PTK2: variants seen among roughly 807,000 people sequenced by gnomAD.
PTK2 encodes focal adhesion kinase 1.
A neutral mutation model predicts 150.1 loss-of-function variants in PTK2; 45 were observed. The observed-to-expected ratio is 0.30, with a 90% CI of 0.24 to 0.38. PTK2 has a LOEUF of 0.38. PTK2 is among the 10% of genes least tolerant of loss of function. PTK2 has a pLI of 1.00. For synonymous variants in PTK2, 432 were observed against 449.2 expected, an observed-to-expected ratio of 0.96 and a Z score of 0.48; for missense variants, 919 against 1,307.3, an observed-to-expected ratio of 0.70 and a Z score of 4.58.
chr8:140,803,802 G>A (rs2100096721), intron 10 of PTK2, 152 bp from the exon 11 acceptor site: 3 of 691,672 alleles, frequency 4.3e-6, no homozygotes, highest in Admixed American at 5.3e-5. Context: ...TGCTGCCCCA[G>A]GGGAGCAGCC....
At chr8:140,847,680 T>A (rs1370767150) in intron 5 of PTK2, among the ~76,000 whole-genome samples, 1 of 152,224 alleles carries the variant, frequency 6.6e-6, no homozygotes, top group Non-Finnish European at 1.5e-5. Flanking sequence ...TTTGTCTTCT[T>A]TCTTGTTCTG....
At chr8:140,670,195 T>C (rs1284394040) in intron 29 of PTK2, 1 of 156,986 alleles carries the variant, frequency 6.4e-6, no homozygotes, top group African/African-American at 2.4e-5. Context: ...ATCCACTTCA[T>C]CATCTAGCCA....
At position 140,746,777 on chromosome 8, in the gene PTK2, G is replaced by C. The variant is rs199594538; in HGVS notation, c.1501C>G (p.Leu501Val). Residue 501 changes from leucine (L) to valine (V), a missense_variant, in exon 18 of 32, where the codon CTG (leucine) becomes GTG (valine). Physicochemically the swap from Leu to Val is conservative, Grantham distance 32. Transcript: ENST00000522684. ...CACAGTACCTCTCCAAGTGTGCACA[G>C]CTCCATGATTATCCAGACAGGATTC... is the stretch of plus-strand genomic sequence containing the variant. The C allele has an allele frequency of 1.3e-5, 21 of 1,611,738 alleles. No homozygotes were observed. The highest frequency in any genetic ancestry group is 1.8e-5 in the Non-Finnish European group (21 of 1,178,222).
intron 2 of PTK2, among the ~76,000 whole-genome samples, chr8:140,895,394 T>C (rs1263413411): frequency 1.3e-5 from 2 of 152,044 alleles, no homozygotes; most frequent in Non-Finnish European, 2.9e-5. Context: ...TGGTGGTGTG[T>C]GCCTGTAGTC....
intron 16 of PTK2, among the ~76,000 whole-genome samples, chr8:140,757,117 C>A (rs565695674): frequency 3.2e-4 from 49 of 152,178 alleles, no homozygotes; most frequent in African/African-American, 1.1e-3. Flanking sequence ...CCTGCTATTA[C>A]CTGTGTTTAA....
At chr8:140,659,717 TG>T (rs765321450) in intron 31 of PTK2, 39 bp from the exon 36 acceptor site, 1 of 1,477,208 alleles carries the variant, frequency 6.8e-7, no homozygotes, top group East Asian at 2.3e-5. Context: ...CTGTTTTCAG[TG>T]ATTTTTTTTT....
chr8:140,880,983 G>A (rs922462217), intron 3 of PTK2, among the ~76,000 whole-genome samples: 4 of 152,134 alleles, frequency 2.6e-5, no homozygotes, highest in Non-Finnish European at 5.9e-5. Flanking sequence ...GGCAGAGAGA[G>A]GGACAAAGGA....
chr8:140,836,510 T>A (rs2100118724), intron 7 of PTK2, among the ~76,000 whole-genome samples: 1 of 152,210 alleles, frequency 6.6e-6, no homozygotes, highest in East Asian at 1.9e-4. Flanking sequence ...ACTTCTTTTA[T>A]ATAAGAGAAA....
intron 5 of PTK2, among the ~76,000 whole-genome samples, chr8:140,850,653 G>A (rs1294634032): frequency 6.6e-6 from 1 of 150,400 alleles, no homozygotes; most frequent in Non-Finnish European, 1.5e-5. Flanking sequence ...TGGCGTGAAC[G>A]CGGGAGGCGG....
intron 1 of PTK2, among the ~76,000 whole-genome samples, chr8:140,930,750 G>A (rs2100171389): frequency 6.6e-6 from 1 of 152,034 alleles, no homozygotes; most frequent in African/African-American, 2.4e-5. Context: ...ACACCTGCAT[G>A]GTATATTTGC....
intron 29 of PTK2, among the ~76,000 whole-genome samples, chr8:140,671,333 T>C (rs556309838): frequency 6.6e-6 from 1 of 152,218 alleles, no homozygotes; most frequent in South Asian, 2.1e-4. Context: ...GCGATTCTTG[T>C]GCCTCAGCCC....
chr8:140,785,113 A>C (rs748376315), intron 14 of PTK2, among the ~76,000 whole-genome samples: 4 of 152,198 alleles, frequency 2.6e-5, no homozygotes, highest in Non-Finnish European at 5.9e-5. Flanking sequence ...GGAATCTAGA[A>C]CCATTTATAA....
intron 2 of PTK2, among the ~76,000 whole-genome samples, chr8:140,922,269 G>T (rs2100167756): frequency 6.6e-6 from 1 of 152,034 alleles, no homozygotes. Context: ...CAGAGTTCAA[G>T]TGACCTCTTC....
At chr8:140,838,594 G>C (rs891612320) in intron 7 of PTK2, among the ~76,000 whole-genome samples, 1 of 152,168 alleles carries the variant, frequency 6.6e-6, no homozygotes, top group Non-Finnish European at 1.5e-5. Context: ...CACATTGGGA[G>C]GCCAAAGTGG....
intron 14 of PTK2, among the ~76,000 whole-genome samples, chr8:140,785,043 C>G (rs981095626): frequency 6.6e-6 from 1 of 152,222 alleles, no homozygotes; most frequent in Non-Finnish European, 1.5e-5. Flanking sequence ...CTAAAGTTAT[C>G]TAGATCCTCG....
intron 3 of PTK2, among the ~76,000 whole-genome samples, chr8:140,880,837 C>T (rs2100148705): frequency 6.6e-6 from 1 of 152,176 alleles, no homozygotes; most frequent in African/African-American, 2.4e-5. Flanking sequence ...ATGTGTGCTG[C>T]TGTGCTGTGC....
At position 140,718,428 on chromosome 8, in the gene PTK2, A is replaced by T. The variant is rs549639736; in HGVS notation, c.2031-719T>A. ...CTGTTTGCCATCACATAAACCCCTC[A>T]GAATGCAGCCAAAGCGAGACTTTGC... On this transcript the variant is annotated intron_variant, in intron 22 of 31. Transcript: ENST00000522684. 3.3e-5 allele frequency: 5 copies of T among 152,230 alleles called. No homozygotes were observed. In the South Asian group the frequency reaches 1.0e-3, roughly 32 times the overall value. 9.4% of individuals were successfully genotyped at this position (152,230 alleles called of 1,614,324 possible). A position where few individuals can be genotyped will look rare whatever the true frequency, so the allele number is the denominator to read the frequency against.
chr8:140,813,688 A>T (rs1472732568), intron 10 of PTK2, among the ~76,000 whole-genome samples: 1 of 152,220 alleles, frequency 6.6e-6, no homozygotes, highest in Non-Finnish European at 1.5e-5. Context: ...CCCACATCGA[A>T]AAGTTAGATC....
At chr8:140,707,826 C>A (rs1028475645) in intron 23 of PTK2, among the ~76,000 whole-genome samples, 1 of 152,206 alleles carries the variant, frequency 6.6e-6, no homozygotes, top group Non-Finnish European at 1.5e-5. Flanking sequence ...GACCCAAATG[C>A]TCTCTGTCCA....
Sources: allele counts gnomAD v4.1 joint callset (sites outside exome capture counted in the v4.1 genomes callset), GRCh38; gene constraint gnomAD v4.1.1; transcripts MANE v1.5; gene names NCBI Gene and HGNC (gene_info 2026-07-23, HGNC 2026-07-21).